Variants in TCF7L2 observed in about 807,000 individuals in gnomAD.
TCF7L2 encodes the protein transcription factor 7-like 2.
TCF7L2 carries 23 observed loss-of-function variants against 77.9 expected under a neutral mutation model. The observed-to-expected ratio is 0.30, with a 90% CI of 0.21 to 0.42. The LOEUF (loss-of-function observed/expected upper bound fraction) is 0.42, where lower values mean the gene tolerates loss of function less well. TCF7L2 is among the 10% of genes least tolerant of loss of function. The pLI, the probability that TCF7L2 is intolerant of heterozygous loss-of-function variation, is 1.00. For missense variants in TCF7L2, 654 were observed against 793.1 expected, an observed-to-expected ratio of 0.82 and a Z score of 2.11; for synonymous variants, 413 against 340.2, an observed-to-expected ratio of 1.21 and a Z score of -2.36.
At chr10:113,069,775 T>G (rs1032783363) in intron 5 of TCF7L2, among the ~76,000 whole-genome samples, 1 of 152,224 alleles carries the variant, frequency 6.6e-6, no homozygotes, top group Non-Finnish European at 1.5e-5. Flanking sequence ...TTCTCGTGTC[T>G]GCTTGGTACA....
intron 4 of TCF7L2, among the ~76,000 whole-genome samples, chr10:113,013,449 A>G (rs2046802581): frequency 6.6e-6 from 1 of 152,158 alleles, no homozygotes; most frequent in African/African-American, 2.4e-5. Context: ...GAAAGGGGTA[A>G]ATTTTAGGGA....
intron 4 of TCF7L2, 94 bp downstream of exon 4, chr10:112,964,718 ATGATG>A: frequency 1.3e-6 from 1 of 789,944 alleles, no homozygotes; most frequent in Non-Finnish European, 1.9e-6. Flanking sequence ...TGAGATAATG[ATGATG>A]ATGATGATGA....
intron 4 of TCF7L2, among the ~76,000 whole-genome samples, chr10:112,977,808 C>T (rs970143531): frequency 1.3e-5 from 2 of 152,224 alleles, no homozygotes; most frequent in African/African-American, 2.4e-5. Flanking sequence ...GCTGGGGTGT[C>T]GTCTCAGCAG....
chr10:113,150,731 G>A (rs1056064546), intron 8 of TCF7L2, among the ~76,000 whole-genome samples: 5 of 152,130 alleles, frequency 3.3e-5, no homozygotes, highest in African/African-American at 1.2e-4. Flanking sequence ...TTCCGCCCAA[G>A]TACGTCAGTT....
rs869133669 is a variant in TCF7L2 at position 113,097,646 on chromosome 10, GAAAAAAAA to G, written c.553-43517_553-43510del. Among the ~76,000 whole-genome samples the G allele has an allele frequency of 3.5e-4, 13 of 36,742 alleles. No individual in the cohort carries two copies. In the Middle Eastern group the frequency reaches 0.088, roughly 249 times the overall value. 24.1% of individuals were successfully genotyped at this position (36,742 alleles called of 152,430 possible). ...GTGACAGAGTAAGACTCTTGTCTCG[GAAAAAAAA>G]AAAAAAAAAAAAAAAAAAAACAACC... On this transcript the variant is annotated intron_variant, in intron 5 of 13. Coordinates refer to ENST00000627217, the MANE Select transcript of TCF7L2 (RefSeq NM_001146274.2).
At chr10:113,020,330 C>T (rs1258350274) in intron 4 of TCF7L2, among the ~76,000 whole-genome samples, 1 of 152,124 alleles carries the variant, frequency 6.6e-6, no homozygotes, top group African/African-American at 2.4e-5. Context: ...GTCATGGGCA[C>T]CATCTCAGGA....
At chr10:113,029,327 A>C (rs1337437918) in intron 4 of TCF7L2, among the ~76,000 whole-genome samples, 1 of 152,090 alleles carries the variant, frequency 6.6e-6, no homozygotes, top group African/African-American at 2.4e-5. Flanking sequence ...ATCTTTCACA[A>C]GGTCTTGGAG....
At position 113,128,092 on chromosome 10, in the gene TCF7L2, A is replaced by C. The variant is rs970959945; in HGVS notation, c.553-13092A>C. ...GTGGTCCGCGTGAATAGAGGGAGAG[A>C]AGGCAATTAGGGGGCTGTGTGGTTG... On this transcript the variant is annotated intron_variant, in intron 5 of 13. Coordinates refer to ENST00000627217, the MANE Select transcript of TCF7L2 (RefSeq NM_001146274.2). Among the ~76,000 whole-genome samples, 3 of 151,716 alleles carry C rather than the reference A, an allele frequency of 2.0e-5. No individual in the cohort carries two copies. The East Asian group carries it at 5.8e-4, about 29-fold the overall frequency.
At chr10:113,021,477 A>G (rs1293516097) in intron 4 of TCF7L2, among the ~76,000 whole-genome samples, 2 of 152,242 alleles carry the variant, frequency 1.3e-5, no homozygotes, top group African/African-American at 4.8e-5. Flanking sequence ...TGGAATAAGA[A>G]TAGCAACGGT....
At chr10:113,024,245 C>A (rs2048733163) in intron 4 of TCF7L2, among the ~76,000 whole-genome samples, 1 of 152,018 alleles carries the variant, frequency 6.6e-6, no homozygotes, top group Admixed American at 6.5e-5. Context: ...TTGCAGTGAG[C>A]CAAGATCATG....
At chr10:113,126,591 G>GT in intron 5 of TCF7L2, 2 of 985,134 alleles carry the variant, frequency 2.0e-6, no homozygotes, top group South Asian at 9.4e-5. Flanking sequence ...CCTCCCTTTT[G>GT]TGGGGGGGTG....
chr10:112,991,157 G>A (rs890415944), intron 4 of TCF7L2, among the ~76,000 whole-genome samples: 16 of 152,176 alleles, frequency 1.1e-4, no homozygotes, highest in African/African-American at 3.9e-4. Context: ...AACTGGGGAA[G>A]CTAACAGAGA....
At chr10:113,073,146 G>GAGAC (rs2058270762) in intron 5 of TCF7L2, among the ~76,000 whole-genome samples, 1 of 150,922 alleles carries the variant, frequency 6.6e-6, no homozygotes, top group East Asian at 1.9e-4. Context: ...GAGAGAGAGA[G>GAGAC]AGAGACAGAG....
chr10:113,027,495 C>A (rs1183311126), intron 4 of TCF7L2, among the ~76,000 whole-genome samples: 2 of 152,124 alleles, frequency 1.3e-5, no homozygotes, highest in African/African-American at 4.8e-5. Flanking sequence ...TTGTTCTCTT[C>A]TCTGCTTCTT....
chr10:113,165,864 C>T lies in TCF7L2; in HGVS notation c.1701C>T (p.Ala567=), dbSNP rs1223953247. ...CCCCAGCCGCTTTGCAGCCTGCCGC[C>T]CCCTCCTCATCAATTGCACAGCCGT... Residue 567 remains alanine, a synonymous_variant, in exon 14 of 14, where the codon GCC becomes GCT. Transcript: ENST00000627217. 4.4e-6 allele frequency: 7 copies of T among 1,607,364 alleles called. No individual in the cohort carries two copies. The highest frequency in any genetic ancestry group is 6.0e-6 in the Non-Finnish European group (7 of 1,175,824).
rs770242240 is a variant in TCF7L2, at chr10:113,165,716, C to A, written c.1553C>A (p.Ser518Ter). The change falls in exon 14 of 14, where the codon TCG (serine) becomes TAG (stop). Residue 518 changes from serine to a stop codon, truncating the protein, a stop_gained. Coordinates refer to ENST00000627217, the MANE Select transcript of TCF7L2 (RefSeq NM_001146274.2). LOFTEE classifies it high-confidence loss of function. ...CAGACTGAGCAGACCCAGCCTCTGT[C>A]GCTGTCCCTGAAGCCCGACCCCCTG... 1.2e-5 allele frequency: 19 copies of A among 1,612,630 alleles called. No homozygotes were observed. Among genetic ancestry groups the A allele is most frequent in the Non-Finnish European group, 1.6e-5 (19 of 1,179,584 alleles).
intron 8 of TCF7L2, among the ~76,000 whole-genome samples, chr10:113,148,824 A>G (rs1175610113): frequency 2.0e-5 from 3 of 152,162 alleles, no homozygotes; most frequent in Non-Finnish European, 4.4e-5. Context: ...CATTTTTCAG[A>G]TATGGGAATA....
At chr10:113,143,898 C>T (rs2068819053) in intron 6 of TCF7L2, 25 bp from the exon 7 acceptor site, 1 of 1,590,400 alleles carries the variant, frequency 6.3e-7, no homozygotes, top group Non-Finnish European at 8.6e-7. Flanking sequence ...CTCCTTTGTA[C>T]CTAAAATGCT....
chr10:113,152,722 T>C (rs1246030666), intron 11 of TCF7L2, among the ~76,000 whole-genome samples: 3 of 152,118 alleles, frequency 2.0e-5, no homozygotes, highest in Non-Finnish European at 4.4e-5. Context: ...GGTGCTTGTC[T>C]CCTTTCTAGA....
Sources: allele counts gnomAD v4.1 joint callset (sites outside exome capture counted in the v4.1 genomes callset), GRCh38; gene constraint gnomAD v4.1.1; transcripts MANE v1.5; gene names NCBI Gene and HGNC (gene_info 2026-07-23, HGNC 2026-07-21).